Variants in NAPB observed in about 807,000 individuals in gnomAD.
The protein encoded by NAPB is beta-soluble NSF attachment protein.
A neutral mutation model predicts 44.7 loss-of-function variants in NAPB; 26 were observed. That is an observed-to-expected ratio of 0.58 (90% CI 0.43 to 0.81). NAPB has a LOEUF of 0.81. Among genes scored for constraint, NAPB ranks in the 30% least tolerant of loss-of-function variants. The pLI, the probability that NAPB is intolerant of heterozygous loss-of-function variation, is 0.00. For missense variants in NAPB, 315 were observed against 356.4 expected (o/e 0.88, Z 0.94); for synonymous variants, 120 against 116.8 (o/e 1.03, Z -0.18).
At chr20:23,392,146 G>C (rs1984006129) in intron 5 of NAPB, among the ~76,000 whole-genome samples, 1 of 152,030 alleles carries the variant, frequency 6.6e-6, no homozygotes, top group Non-Finnish European at 1.5e-5. Context: ...ATGGTGAGCG[G>C]AACAGTCATG....
At chr20:23,405,795 G>A (rs1053695327) in intron 1 of NAPB, among the ~76,000 whole-genome samples, 2 of 152,154 alleles carry the variant, frequency 1.3e-5, no homozygotes, top group African/African-American at 4.8e-5. Flanking sequence ...ATAATATGTG[G>A]TATACACATA....
At chr20:23,416,655 C>T (rs2123269908) in intron 1 of NAPB, among the ~76,000 whole-genome samples, 1 of 152,120 alleles carries the variant, frequency 6.6e-6, no homozygotes, top group East Asian at 1.9e-4. Context: ...GAAAGATACA[C>T]AAATATACGT....
chr20:23,405,517 G>C (rs749418664), intron 1 of NAPB, among the ~76,000 whole-genome samples: 25 of 152,160 alleles, frequency 1.6e-4, no homozygotes, highest in Non-Finnish European at 3.2e-4. Flanking sequence ...AGGGCCAGGA[G>C]TTTGAGACCA....
chr20:23,380,979 G>C (rs778488683), intron 8 of NAPB: 4 of 447,376 alleles, frequency 8.9e-6, no homozygotes, highest in African/African-American at 2.0e-5. Flanking sequence ...GATCAGACGA[G>C]ATTGGGTGTG....
intron 3 of NAPB, 106 bp from the exon 4 acceptor site, chr20:23,395,291 T>C: frequency 8.4e-7 from 1 of 1,193,460 alleles, no homozygotes; most frequent in Non-Finnish European, 1.2e-6. Context: ...TGAGGTATAA[T>C]TTTGGAGTGG....
At chr20:23,398,934 T>C (rs1204513342) in intron 2 of NAPB, among the ~76,000 whole-genome samples, 1 of 123,778 alleles carries the variant, frequency 8.1e-6, no homozygotes, top group Non-Finnish European at 1.6e-5. Flanking sequence ...GCTCAAGCAA[T>C]CCTCCAGCCT....
chr20:23,385,069 AAATCACTCCACTGCG>A (rs1328526564), intron 7 of NAPB, among the ~76,000 whole-genome samples: 1 of 152,088 alleles, frequency 6.6e-6, no homozygotes, highest in East Asian at 1.9e-4. Flanking sequence ...CAGTGAGCCA[AAATCACTCCACTGCG>A]CTCCAGTGTA....
Position 23,379,512 on chromosome 20 carries a change from ATTTTAAAAAACAG to A in NAPB, c.736-30_736-18del. On this transcript the variant is annotated intron_variant, in intron 9 of 10. Transcript: ENST00000377026. The stretch of plus-strand genomic sequence containing the variant: ...TAGGAGTTTCTGGTAGCATAAAAAT[ATTTTAAAAAACAG>A]TTCTGTAAGATGAAGTCCCATTTCT... The A allele has an allele frequency of 6.3e-7, 1 of 1,595,236 alleles. No homozygotes were observed. Among genetic ancestry groups the A allele is most frequent in the Non-Finnish European group, 8.5e-7 (1 of 1,170,380 alleles).
At chr20:23,419,472 C>T (rs1464787650) in intron 1 of NAPB, among the ~76,000 whole-genome samples, 1 of 152,230 alleles carries the variant, frequency 6.6e-6, no homozygotes, top group Non-Finnish European at 1.5e-5. Context: ...AAGGAGTGTT[C>T]TCCTGAGACA....
intron 1 of NAPB, among the ~76,000 whole-genome samples, chr20:23,412,833 T>C (rs764221298): frequency 9.2e-5 from 14 of 152,114 alleles, no homozygotes; most frequent in Non-Finnish European, 1.9e-4. Flanking sequence ...GTGTCTCTAC[T>C]AAATATACAA....
intron 1 of NAPB, among the ~76,000 whole-genome samples, chr20:23,404,791 CAT>C (rs1207052961): frequency 8.5e-5 from 13 of 152,190 alleles, no homozygotes; most frequent in African/African-American, 2.9e-4. Context: ...CGAAACCACA[CAT>C]GTGATACCAC....
intron 7 of NAPB, among the ~76,000 whole-genome samples, chr20:23,381,720 G>T (rs1417223394): frequency 1.3e-5 from 2 of 152,092 alleles, no homozygotes. Context: ...ACCCAGAAAT[G>T]CCAGTATGCA....
intron 1 of NAPB, among the ~76,000 whole-genome samples, chr20:23,415,519 A>C (rs1243479695): frequency 6.6e-6 from 1 of 152,090 alleles, no homozygotes; most frequent in African/African-American, 2.4e-5. Context: ...ACTTGAACCC[A>C]GGAGGCAGAG....
intron 7 of NAPB, among the ~76,000 whole-genome samples, chr20:23,387,043 C>T (rs1983582544): frequency 6.6e-6 from 1 of 151,986 alleles, no homozygotes; most frequent in Admixed American, 6.6e-5. Flanking sequence ...ACGCTTATCT[C>T]AATAGATGCA....
chr20:23,377,273 A>G lies in NAPB; in HGVS notation c.*103T>C. ...ACAATACACAGGCCGTCTGGCTCATATGCAACAAAATTAAGCCATTAAATA... is the reference window on the plus strand; with the variant it reads ...ACAATACACAGGCCGTCTGGCTCATGTGCAACAAAATTAAGCCATTAAATA... On this transcript the variant is annotated 3_prime_UTR_variant, in exon 11 of 11. Coordinates refer to ENST00000377026, the MANE Select transcript of NAPB (RefSeq NM_022080.3). 3 of 608,642 alleles carry G rather than the reference A, an allele frequency of 4.9e-6. No homozygotes were observed. Among genetic ancestry groups the G allele is most frequent in the Non-Finnish European group, 8.3e-6 (3 of 362,634 alleles). 37.7% of individuals were successfully genotyped at this position (608,642 alleles called of 1,614,324 possible).
At chr20:23,384,727 C>T (rs901067864) in intron 7 of NAPB, among the ~76,000 whole-genome samples, 6 of 152,208 alleles carry the variant, frequency 3.9e-5, no homozygotes, top group African/African-American at 9.6e-5. Flanking sequence ...ACTAAAATGG[C>T]AGAAAGCAGA....
At chr20:23,400,410 G>A (rs569610523) in intron 2 of NAPB, among the ~76,000 whole-genome samples, 7 of 152,134 alleles carry the variant, frequency 4.6e-5, no homozygotes, top group Admixed American at 6.5e-5. Context: ...CAGCTACTCC[G>A]GAGGCTGAGG....
At chr20:23,400,372 TG>T (rs1242878943) in intron 2 of NAPB, among the ~76,000 whole-genome samples, 1 of 152,014 alleles carries the variant, frequency 6.6e-6, no homozygotes. Context: ...CAAAATTAGC[TG>T]GGCGTGGTGG....
intron 1 of NAPB, among the ~76,000 whole-genome samples, chr20:23,414,536 C>T (rs181845983): frequency 1.3e-5 from 2 of 152,172 alleles, no homozygotes; most frequent in Non-Finnish European, 2.9e-5. Context: ...AATGAATACA[C>T]GGACTAAAAC....
Sources: allele counts gnomAD v4.1 joint callset (sites outside exome capture counted in the v4.1 genomes callset), GRCh38; gene constraint gnomAD v4.1.1; transcripts MANE v1.5; gene names NCBI Gene and HGNC (gene_info 2026-07-23, HGNC 2026-07-21).